Variants in DMD observed in about 807,000 individuals in gnomAD.
DMD encodes the protein mutant dystrophin.
A neutral mutation model predicts 330.1 loss-of-function variants in DMD; 63 were observed. That is an observed-to-expected ratio of 0.19 (90% CI 0.16 to 0.24). The LOEUF is 0.24. DMD is among the 10% of genes least tolerant of loss of function. DMD has a pLI of 1.00. For missense variants in DMD, 3,344 were observed against 2,684.1 expected (o/e 1.25, Z -5.43); for synonymous variants, 1,223 against 959.8 (o/e 1.27, Z -5.07).
intron 55 of DMD, among the ~76,000 whole-genome samples, chrX:31,512,518 G>A (rs1271737681): frequency 9.8e-6 from 1 of 102,246 alleles, no homozygotes; most frequent in Non-Finnish European, 2.0e-5. Context: ...TGTATAAGGT[G>A]TAAGGAAGGG....
intron 18 of DMD, 53 bp from the exon 19 acceptor site, chrX:32,501,895 A>G: frequency 1.1e-6 from 1 of 927,512 alleles, no homozygotes; most frequent in Non-Finnish European, 1.5e-6. Context: ...GTGAATCTAC[A>G]CAATAATTAT....
intron 2 of DMD, among the ~76,000 whole-genome samples, chrX:32,934,345 A>G (rs1301547085): frequency 9.0e-6 from 1 of 110,735 alleles, no homozygotes; most frequent in Non-Finnish European, 1.9e-5. Context: ...ACCTGAGGCC[A>G]GGAGTTAGAG....
intron 17 of DMD, among the ~76,000 whole-genome samples, chrX:32,532,472 C>G (rs759414370): frequency 7.1e-5 from 8 of 112,432 alleles, no homozygotes; most frequent in Non-Finnish European, 1.3e-4. Context: ...TGTCTGGGTT[C>G]AAATCCTAGC....
rs192776725 is a variant in DMD, at chrX:31,134,773, T to C, written c.10922-579A>G. ...AGTTACTTGAAATGTGCCCCGCACA[T>C]AGAAATGATAAATACATGAGATAAT... On this transcript the variant is annotated intron_variant, in intron 76 of 78. Transcript: ENST00000357033. Among the ~76,000 whole-genome samples the C allele has an allele frequency of 3.1e-4, 35 of 112,628 alleles. No individual in the cohort carries two copies. In the South Asian group the frequency reaches 3.3e-3, roughly 11 times the overall value.
chrX:32,734,761 A>G (rs2068205318), intron 7 of DMD, among the ~76,000 whole-genome samples: 2 of 108,928 alleles, frequency 1.8e-5, no homozygotes, highest in African/African-American at 3.5e-5. Flanking sequence ...GACGGGACAT[A>G]TTTCAAAATA....
intron 5 of DMD, 140 bp downstream of exon 5, chrX:32,823,155 G>A (rs1225983963): frequency 2.0e-6 from 1 of 499,734 alleles, no homozygotes; most frequent in Non-Finnish European, 3.6e-6. Context: ...AGACGACATG[G>A]TAGTGTCAAT....
At chrX:32,252,523 T>A (rs923959670) in intron 43 of DMD, among the ~76,000 whole-genome samples, 1 of 100,025 alleles carries the variant, frequency 1.0e-5, no homozygotes, top group Non-Finnish European at 2.0e-5. Context: ...ATATGTTGAA[T>A]AAATGAATAC....
chrX:32,621,634 C>A (rs1371223529), intron 11 of DMD, among the ~76,000 whole-genome samples: 2 of 110,436 alleles, frequency 1.8e-5, no homozygotes, highest in African/African-American at 3.3e-5. Context: ...CAGGTGTTTT[C>A]TCTTTATAAG....
intron 55 of DMD, among the ~76,000 whole-genome samples, chrX:31,527,977 CTATT>C (rs1490430508): frequency 2.7e-5 from 3 of 110,739 alleles, no homozygotes; most frequent in African/African-American, 9.9e-5. Context: ...GCCACCTCCT[CTATT>C]TGTTTCTACT....
chrX:33,061,652 C>A (rs1000589978), intron 1 of DMD, among the ~76,000 whole-genome samples: 1 of 111,444 alleles, frequency 9.0e-6, no homozygotes, highest in Non-Finnish European at 1.9e-5. Flanking sequence ...TTCCATGATG[C>A]GGTTTTGTAC....
chrX:32,075,074 G>T (rs1054139041), intron 44 of DMD, among the ~76,000 whole-genome samples: 10 of 112,131 alleles, frequency 8.9e-5, no homozygotes, highest in African/African-American at 3.2e-4. Flanking sequence ...GAGAGAGGAA[G>T]TGAACTCCTC....
intron 55 of DMD, among the ~76,000 whole-genome samples, chrX:31,578,089 G>A (rs773636295): frequency 1.8e-5 from 2 of 111,415 alleles, no homozygotes; most frequent in Non-Finnish European, 1.9e-5. Flanking sequence ...GACACAATAT[G>A]TTATGTTAGA....
At chrX:32,436,883 G>T (rs2098263497) in intron 29 of DMD, among the ~76,000 whole-genome samples, 1 of 109,554 alleles carries the variant, frequency 9.1e-6, no homozygotes, top group African/African-American at 3.3e-5. Flanking sequence ...GCCCAGGGAG[G>T]TCGAGGCTAC....
At chrX:33,030,118 C>T (rs2094080837) in intron 1 of DMD, among the ~76,000 whole-genome samples, 1 of 110,915 alleles carries the variant, frequency 9.0e-6, no homozygotes, top group African/African-American at 3.3e-5. Context: ...CTAAATGTGA[C>T]ACATGTATGA....
chrX:32,899,269 G>A (rs1264345500), intron 2 of DMD, among the ~76,000 whole-genome samples: 1 of 111,640 alleles, frequency 9.0e-6, no homozygotes, highest in East Asian at 2.8e-4. Flanking sequence ...GGTCCTTGCA[G>A]GTATTTTAAT....
intron 44 of DMD, among the ~76,000 whole-genome samples, chrX:32,165,178 A>C (rs183364341): frequency 2.3e-3 from 262 of 112,346 alleles, no homozygotes; most frequent in African/African-American, 7.2e-3. Context: ...GCCACTGTCC[A>C]CCAGACCCCA....
At chrX:31,754,227 C>G (rs371505087) in intron 51 of DMD, among the ~76,000 whole-genome samples, 1 of 111,148 alleles carries the variant, frequency 9.0e-6, no homozygotes, top group African/African-American at 3.3e-5. Flanking sequence ...TATCATCTAC[C>G]TTGGAGTTAC....
chrX:33,208,119 T>C (rs1021194886), intron 1 of DMD, among the ~76,000 whole-genome samples: 2 of 111,704 alleles, frequency 1.8e-5, no homozygotes, highest in African/African-American at 6.5e-5. Context: ...ATATACCCTG[T>C]ATATTTCAAA....
chrX:32,500,642 G>C (rs1042250878), intron 19 of DMD, among the ~76,000 whole-genome samples: 3 of 111,647 alleles, frequency 2.7e-5, no homozygotes, highest in Admixed American at 9.5e-5. Context: ...ATGCTGTTAA[G>C]TTGATCAGTT....
Sources: gnomAD v4.1 joint callset for allele counts (sites outside exome capture counted in the v4.1 genomes callset) on GRCh38, gnomAD v4.1.1 for gene constraint, MANE v1.5 for transcripts, NCBI Gene and HGNC (gene_info 2026-07-23, HGNC 2026-07-21) for gene names.